Variants in POU2F1 observed in about 807,000 individuals in gnomAD.
POU2F1 encodes POU class 2 homeobox 1.
Under a neutral mutation model 84.9 loss-of-function variants are expected in POU2F1, and 16 were observed. That is an observed-to-expected ratio of 0.19 (90% confidence interval 0.13 to 0.29). POU2F1 has a LOEUF of 0.29. Among genes scored for constraint, POU2F1 ranks in the 10% least tolerant of loss-of-function variants. The pLI is 1.00. For synonymous variants in POU2F1, 368 were observed against 368.3 expected, an observed-to-expected ratio of 1.00 and a Z score of 0.01; for missense variants, 738 against 942.6, an observed-to-expected ratio of 0.78 and a Z score of 2.84.
intron 1 of POU2F1, among the ~76,000 whole-genome samples, chr1:167,277,823 A>AGT (rs1410008019): frequency 6.6e-6 from 1 of 152,174 alleles, no homozygotes; most frequent in Admixed American, 6.5e-5. Flanking sequence ...AGTAATTCCT[A>AGT]ATACCCCCTC....
Position 167,371,946 on chromosome 1 carries a change from G to A in POU2F1, c.312G>A (p.Ser104=), listed in dbSNP as rs547434928. 1.9e-5 allele frequency: 30 copies of A among 1,614,098 alleles called. No homozygotes were observed. Among genetic ancestry groups the A allele is most frequent in the Middle Eastern group, 1.6e-4 (1 of 6,062 alleles). The change falls in exon 5 of 16, where the codon TCG becomes TCA. Residue 104 remains serine, a synonymous_variant. Transcript: ENST00000367866. ...QSKSNEESGD[S]QQPSQPSQQP... is the part of the protein sequence containing the mutation. ...AATCTAATGAAGAATCGGGGGATTCGCAGCAGCCAAGCCAGCCTTCCCAGC... is the reference window on the plus strand; with the variant it reads ...AATCTAATGAAGAATCGGGGGATTCACAGCAGCCAAGCCAGCCTTCCCAGC...
At chr1:167,383,003 A>G (rs1313520349) in intron 7 of POU2F1, among the ~76,000 whole-genome samples, 2 of 152,220 alleles carry the variant, frequency 1.3e-5, no homozygotes, top group East Asian at 1.9e-4. Flanking sequence ...TTAGGAAGCT[A>G]TTGCCTCAGA....
At chr1:167,405,369 G>A (rs963911035) in intron 13 of POU2F1, among the ~76,000 whole-genome samples, 1 of 151,570 alleles carries the variant, frequency 6.6e-6, no homozygotes, top group Non-Finnish European at 1.5e-5. Context: ...GTATTTATTT[G>A]AGCCACGTTA....
chr1:167,291,193 A>G (rs1653900625), intron 1 of POU2F1, among the ~76,000 whole-genome samples: 1 of 152,248 alleles, frequency 6.6e-6, no homozygotes, highest in Non-Finnish European at 1.5e-5. Flanking sequence ...CAGTGTCCTT[A>G]AATAAATCAT....
intron 2 of POU2F1, among the ~76,000 whole-genome samples, chr1:167,348,934 C>T (rs911052700): frequency 1.3e-5 from 2 of 151,914 alleles, no homozygotes; most frequent in African/African-American, 4.8e-5. Context: ...TTTTTAGATA[C>T]CACTTTTCAT....
intron 1 of POU2F1, among the ~76,000 whole-genome samples, chr1:167,256,738 T>C (rs1651171767): frequency 6.6e-6 from 1 of 152,192 alleles, no homozygotes; most frequent in African/African-American, 2.4e-5. Context: ...ATTTATTTTT[T>C]CCCCTTGGTG....
chr1:167,313,546 T>A (rs984289656), intron 1 of POU2F1, among the ~76,000 whole-genome samples: 3 of 152,068 alleles, frequency 2.0e-5, no homozygotes, highest in Non-Finnish European at 2.9e-5. Context: ...TATTTGTGAC[T>A]AAGGTACAAA....
At chr1:167,363,880 T>C (rs1400477364) in intron 2 of POU2F1, among the ~76,000 whole-genome samples, 2 of 152,228 alleles carry the variant, frequency 1.3e-5, no homozygotes, top group Non-Finnish European at 2.9e-5. Context: ...AATTAGGATG[T>C]GTATATTGGC....
chr1:167,391,682 A>G (rs1031770314), intron 9 of POU2F1, among the ~76,000 whole-genome samples: 1 of 136,390 alleles, frequency 7.3e-6, no homozygotes, highest in Non-Finnish European at 1.5e-5. Flanking sequence ...GGATTCTCCC[A>G]CTTCTGTCTC....
At chr1:167,237,204 A>G (rs757088684) in intron 1 of POU2F1, among the ~76,000 whole-genome samples, 2 of 152,192 alleles carry the variant, frequency 1.3e-5, no homozygotes, top group Non-Finnish European at 2.9e-5. Flanking sequence ...AGAAAAGATG[A>G]CAGTGACCTT....
chr1:167,260,502 A>G lies in POU2F1; in HGVS notation c.61+39544A>G, dbSNP rs12025002. On this transcript the variant is annotated intron_variant, in intron 1 of 15. Coordinates refer to ENST00000367866, the MANE Select transcript of POU2F1 (RefSeq NM_002697.4). ...TTAACGTTTGCTTTTTTACCTTTTG[A>G]TCCTTAGTCTACCTGGAGTTGATTT... Among the ~76,000 whole-genome samples, 3 of 151,956 alleles carry G rather than the reference A, an allele frequency of 2.0e-5. No individual in the cohort carries two copies. In the East Asian group the frequency reaches 5.8e-4, roughly 29 times the overall value.
In POU2F1 at chr1:167,244,362, C is replaced by T. The variant is rs533036649; in HGVS notation, c.61+23404C>T. Among the ~76,000 whole-genome samples, 201 of 152,234 alleles carry T rather than the reference C, an allele frequency of 1.3e-3. 1 individual carries two copies. In the Middle Eastern group the frequency reaches 0.031, roughly 23 times the overall value. Reference sequence around the variant, plus strand: ...ACACAGTTGTTGACTGGACTCAGTTCCTTACTGGTGGTCGAACCGAGGACC... The same window carrying T: ...ACACAGTTGTTGACTGGACTCAGTTTCTTACTGGTGGTCGAACCGAGGACC... On this transcript the variant is annotated intron_variant, in intron 1 of 15. Coordinates refer to ENST00000367866, the MANE Select transcript of POU2F1 (RefSeq NM_002697.4).
At chr1:167,247,137 GAGATC>G (rs1320777411) in intron 1 of POU2F1, among the ~76,000 whole-genome samples, 10 of 151,878 alleles carry the variant, frequency 6.6e-5, no homozygotes, top group Admixed American at 1.3e-4. Context: ...GTGCAGAGGT[GAGATC>G]AGGGCTCACT....
Position 167,415,486 on chromosome 1 carries a change from G to C in POU2F1, c.1991-14G>C. The C allele has an allele frequency of 6.2e-7, 1 of 1,611,992 alleles. No homozygotes were observed. Among genetic ancestry groups the C allele is most frequent in the Non-Finnish European group, 8.5e-7 (1 of 1,178,632 alleles). On this transcript the variant is annotated splice_polypyrimidine_tract_variant and intron_variant, in intron 15 of 15. Transcript: ENST00000367866. ...TTTTCATTCCTGCCTGTTTTGGGGG[G>C]TTTTTGTCTGTAGCTCTTGCTTCTG...
chr1:167,301,154 G>A (rs1654673190), intron 1 of POU2F1, among the ~76,000 whole-genome samples: 1 of 151,556 alleles, frequency 6.6e-6, no homozygotes, highest in East Asian at 1.9e-4. Context: ...ATTTACTACT[G>A]TTTAGATTAG....
chr1:167,412,906 AT>A (rs1329768242), intron 14 of POU2F1, 119 bp from the exon 15 acceptor site: 26 of 750,552 alleles, frequency 3.5e-5, no homozygotes, highest in Non-Finnish European at 5.1e-5. Context: ...GTAAAGAAAA[AT>A]AAATATTTCC....
rs1244364781 is a variant in POU2F1, at chr1:167,422,796, G to A, written c.*6986G>A. 2 of 152,198 alleles carry A rather than the reference G, an allele frequency of 1.3e-5. No individual in the cohort carries two copies. Among genetic ancestry groups the A allele is most frequent in the Non-Finnish European group, 2.9e-5 (2 of 68,034 alleles). The allele number at this position is 152,198 out of a possible 1,614,324, so 9.4% of individuals were successfully genotyped here. ...GCTTATCCTTAAGTTTTCAAAACAGGCAGAGGGAATAGGAGCAAAAAGCCA... is the reference window on the plus strand; with the variant it reads ...GCTTATCCTTAAGTTTTCAAAACAGACAGAGGGAATAGGAGCAAAAAGCCA... On this transcript the variant is annotated 3_prime_UTR_variant, in exon 16 of 16. Coordinates refer to ENST00000367866, the MANE Select transcript of POU2F1 (RefSeq NM_002697.4).
chr1:167,269,923 A>ACT, intron 1 of POU2F1, among the ~76,000 whole-genome samples: 1 of 151,796 alleles, frequency 6.6e-6, no homozygotes, highest in African/African-American at 2.4e-5. Context: ...CAAAAAAAAA[A>ACT]AAAAAAGAGT....
Position 167,334,741 on chromosome 1 carries a change from A to G in POU2F1, c.127+2206A>G, listed in dbSNP as rs187409051. Among the ~76,000 whole-genome samples the G allele has an allele frequency of 3.3e-5, 5 of 152,320 alleles. No individual in the cohort carries two copies. The East Asian group carries it at 9.6e-4, about 29-fold the overall frequency. On this transcript the variant is annotated intron_variant, in intron 2 of 15. Coordinates refer to ENST00000367866, the MANE Select transcript of POU2F1 (RefSeq NM_002697.4). ...AGATATAAAATTACAGTTTATTTAGATAATTGTATGCTTACAAATTGATTT... is the reference window on the plus strand; with the variant it reads ...AGATATAAAATTACAGTTTATTTAGGTAATTGTATGCTTACAAATTGATTT...
Sources: allele counts gnomAD v4.1 joint callset (sites outside exome capture counted in the v4.1 genomes callset), GRCh38; gene constraint gnomAD v4.1.1; transcripts MANE v1.5; gene names NCBI Gene and HGNC (gene_info 2026-07-23, HGNC 2026-07-21).